ACCSL: variants seen among roughly 807,000 people sequenced by gnomAD.
ACCSL encodes the protein probable inactive 1-aminocyclopropane-1-carboxylate synthase-like protein 2.
ACCSL carries 55 observed loss-of-function variants against 61.7 expected under a neutral mutation model. That is an observed-to-expected ratio of 0.89 (90% confidence interval 0.72 to 1.12). The LOEUF (loss-of-function observed/expected upper bound fraction) is 1.12. ACCSL is among the 50% of genes most tolerant of loss of function. The pLI, the probability that ACCSL is intolerant of heterozygous loss-of-function variation, is 0.00. For synonymous variants in ACCSL, 258 were observed against 264.3 expected, an observed-to-expected ratio of 0.98 and a Z score of 0.23; for missense variants, 632 against 698.0, an observed-to-expected ratio of 0.91 and a Z score of 1.07.
chr11:43,961,015 T>C, the ACCSL span, among the ~76,000 whole-genome samples: 1 of 152,158 alleles, frequency 6.6e-6, no homozygotes, highest in African/African-American at 2.4e-5. Flanking sequence ...GAGATGGGGT[T>C]ATGCCATGTT....
the ACCSL span, among the ~76,000 whole-genome samples, chr11:43,974,409 T>C: frequency 6.6e-6 from 1 of 152,256 alleles, no homozygotes; most frequent in Non-Finnish European, 1.5e-5. Context: ...CTGTGTCTTC[T>C]CTTAAGACAT....
the ACCSL span, among the ~76,000 whole-genome samples, chr11:44,001,775 C>CTGTGTGTGTGTGTGTG: frequency 4.4e-4 from 43 of 96,836 alleles, no homozygotes; most frequent in African/African-American, 1.3e-3. Flanking sequence ...GGTAAAGGGG[C>CTGTGTGTGTGTGTGTG]TGTGTGTGTG....
chr11:44,011,608 A>G, the ACCSL span, among the ~76,000 whole-genome samples: 6 of 152,378 alleles, frequency 3.9e-5, no homozygotes, highest in East Asian at 1.2e-3. Flanking sequence ...TAAAGGTGTT[A>G]TAAACCTCAA....
the ACCSL span, among the ~76,000 whole-genome samples, chr11:44,029,930 T>G: frequency 7.9e-5 from 12 of 151,860 alleles, no homozygotes; most frequent in South Asian, 2.5e-3. Context: ...TTGACTTGGG[T>G]TCATGTCAAA....
At chr11:43,936,885 C>G in the ACCSL span, among the ~76,000 whole-genome samples, 5 of 152,170 alleles carry the variant, frequency 3.3e-5, no homozygotes, top group East Asian at 3.9e-4. Flanking sequence ...TCCCCACCCC[C>G]CCCTCCTGCC....
chr11:43,975,134 A>C, the ACCSL span, among the ~76,000 whole-genome samples: 1,056 of 152,272 alleles, frequency 6.9e-3, 3 homozygotes, highest in Non-Finnish European at 0.012. Context: ...AATGTTCTGA[A>C]AAAACTGTTT....
chr11:43,992,902 T>C, the ACCSL span, among the ~76,000 whole-genome samples: 1 of 152,322 alleles, frequency 6.6e-6, no homozygotes, highest in Non-Finnish European at 1.5e-5. Flanking sequence ...CATAGTAATT[T>C]GGGGAGCCTA....
chr11:43,943,727 A>C, the ACCSL span: 7 of 1,304,368 alleles, frequency 5.4e-6, no homozygotes, highest in Non-Finnish European at 7.1e-6. The surrounding 1 kb of genome is among the most constrained non-coding windows in gnomAD (Gnocchi z 4.8). Context: ...GGCCGTTGGG[A>C]CTTTGGGCGC....
chr11:44,053,102 T>C (rs1350463612), intron 7 of ACCSL, 34 bp downstream of exon 7: 1 of 1,573,020 alleles, frequency 6.4e-7, no homozygotes, highest in Admixed American at 1.7e-5. Flanking sequence ...GGATGGCCAC[T>C]GCTGGTCCTA....
At chr11:43,997,187 C>T in the ACCSL span, among the ~76,000 whole-genome samples, 7 of 152,016 alleles carry the variant, frequency 4.6e-5, no homozygotes, top group African/African-American at 1.7e-4. Context: ...GTTCCCCAGA[C>T]CAATTAAATT....
the ACCSL span, among the ~76,000 whole-genome samples, chr11:43,932,494 CCTGAT>C: frequency 6.6e-6 from 1 of 152,180 alleles, no homozygotes; most frequent in African/African-American, 2.4e-5. Context: ...GTCTCGAACT[CCTGAT>C]CTGAAACGAT....
chr11:44,040,999 G>C, the ACCSL span, among the ~76,000 whole-genome samples: 1 of 152,174 alleles, frequency 6.6e-6, no homozygotes, highest in South Asian at 2.1e-4. Context: ...CACCTGTAAA[G>C]TGAGTCTAAT....
chr11:43,979,667 T>C, the ACCSL span, among the ~76,000 whole-genome samples: 6 of 152,216 alleles, frequency 3.9e-5, no homozygotes, highest in East Asian at 1.2e-3. Context: ...ATAAAAGAGA[T>C]ATTTGTTCGT....
the ACCSL span, among the ~76,000 whole-genome samples, chr11:43,985,865 C>A: frequency 6.6e-6 from 1 of 152,054 alleles, no homozygotes; most frequent in Non-Finnish European, 1.5e-5. Context: ...GACGAAAACT[C>A]ATCTCTATAA....
At chr11:43,986,102 C>G in the ACCSL span, among the ~76,000 whole-genome samples, 3 of 152,240 alleles carry the variant, frequency 2.0e-5, no homozygotes, top group Middle Eastern at 3.4e-3. Context: ...GAGCCAGAGA[C>G]GTGGGTGCCA....
the ACCSL span, among the ~76,000 whole-genome samples, chr11:44,003,738 A>G: frequency 1.3e-5 from 2 of 151,790 alleles, no homozygotes; most frequent in African/African-American, 2.4e-5. Context: ...TTCTATCCCC[A>G]CTGGACAGTA....
At chr11:44,013,966 GAGA>G in the ACCSL span, among the ~76,000 whole-genome samples, 1 of 152,236 alleles carries the variant, frequency 6.6e-6, no homozygotes, top group Non-Finnish European at 1.5e-5. Context: ...TCTCAAACTT[GAGA>G]AGAAGGCCTC....
the ACCSL span, among the ~76,000 whole-genome samples, chr11:43,974,987 A>G: frequency 6.6e-6 from 1 of 152,246 alleles, no homozygotes; most frequent in Non-Finnish European, 1.5e-5. Flanking sequence ...CTATGCAGCA[A>G]TAAAGGAAAA....
chr11:43,927,145 C>T, the ACCSL span, among the ~76,000 whole-genome samples: 1 of 152,196 alleles, frequency 6.6e-6, no homozygotes, highest in African/African-American at 2.4e-5. Flanking sequence ...GTTTTGGGGC[C>T]TTTTTCTACT....
Sources: allele counts gnomAD v4.1 joint callset (sites outside exome capture counted in the v4.1 genomes callset), GRCh38; gene constraint gnomAD v4.1.1; non-coding constraint Gnocchi (gnomAD v3.1); transcripts MANE v1.5; gene names NCBI Gene and HGNC (gene_info 2026-07-23, HGNC 2026-07-21).